The following SLC37A3 variants were observed in gnomAD, a reference collection of about 807,000 sequenced individuals.
SLC37A3 encodes the protein solute carrier family 37 member 3.
SLC37A3 carries 51 observed loss-of-function variants against 67.1 expected under a neutral mutation model. The ratio of observed to expected loss-of-function variants is 0.76; its 90% CI spans 0.61 to 0.96. SLC37A3 has a LOEUF of 0.96. Among genes scored for constraint, SLC37A3 ranks in the 40% least tolerant of loss-of-function variants. SLC37A3 has a pLI of 0.00. For synonymous variants in SLC37A3, 214 were observed against 231.4 expected (o/e 0.92, Z 0.68); for missense variants, 508 against 603.0 (o/e 0.84, Z 1.65).
intron 13 of SLC37A3, among the ~76,000 whole-genome samples, chr7:140,338,650 T>G (rs900832254): frequency 5.9e-5 from 9 of 152,162 alleles, no homozygotes; most frequent in African/African-American, 2.2e-4. Flanking sequence ...TTTTCTATTT[T>G]TAGTAGAAAT....
At chr7:140,394,900 C>T (rs987131131) in intron 1 of SLC37A3, among the ~76,000 whole-genome samples, 2 of 151,478 alleles carry the variant, frequency 1.3e-5, no homozygotes, top group Admixed American at 1.3e-4. Flanking sequence ...AGCTACTGTG[C>T]CCAGCCCTCA....
At chr7:140,366,397 C>T (rs1318853641) in intron 4 of SLC37A3, among the ~76,000 whole-genome samples, 1 of 152,094 alleles carries the variant, frequency 6.6e-6, no homozygotes, top group African/African-American at 2.4e-5. Context: ...GCGTGAGCCA[C>T]CGTGCCCCAC....
chr7:140,366,155 A>G (rs1468190095), intron 4 of SLC37A3, among the ~76,000 whole-genome samples: 1 of 151,862 alleles, frequency 6.6e-6, no homozygotes, highest in Admixed American at 6.6e-5. Flanking sequence ...ATTGGCCTCA[A>G]GCAATTCTCC....
chr7:140,370,149 G>GTTTT lies in SLC37A3; in HGVS notation c.199-471_199-468dup, dbSNP rs34474661. Among the ~76,000 whole-genome samples the GTTTT allele has an allele frequency of 8.4e-3, 1,258 of 149,142 alleles. 4 individuals carry two copies. The highest frequency in any genetic ancestry group is 0.012 in the East Asian group (60 of 5,112). Reference sequence around the variant, plus strand: ...AGAAAAGAAAAGAAAGAAATAACTAGTTTTTTTTTTTGCTTTTATTATTTT... The same window carrying GTTTT: ...AGAAAAGAAAAGAAAGAAATAACTAGTTTTTTTTTTTTTTTGCTTTTATTATTTT... On this transcript the variant is annotated intron_variant, in intron 3 of 14. Transcript: ENST00000326232.
chr7:140,373,099 A>T (rs1348925470), intron 3 of SLC37A3, among the ~76,000 whole-genome samples: 1 of 151,984 alleles, frequency 6.6e-6, no homozygotes, highest in African/African-American at 2.4e-5. Context: ...CTACAGGCAC[A>T]TGCCACCATG....
chr7:140,360,257 G>T (rs1355804838), intron 5 of SLC37A3, among the ~76,000 whole-genome samples: 1 of 151,866 alleles, frequency 6.6e-6, no homozygotes, highest in East Asian at 1.9e-4. Flanking sequence ...AAAATGGGAG[G>T]ATTGCTCGAG....
At position 140,391,570 on chromosome 7, in the gene SLC37A3, T is replaced by C. The variant is rs1798726910; in HGVS notation, c.-71+6846A>G. On this transcript the variant is annotated intron_variant, in intron 1 of 14. Coordinates refer to ENST00000326232, the MANE Select transcript of SLC37A3 (RefSeq NM_207113.3). ...GACTCCATTTCAAAAAATTAAACAATAAGATAAAACACAACTCTTCATTTC... is the reference window on the plus strand; with the variant it reads ...GACTCCATTTCAAAAAATTAAACAACAAGATAAAACACAACTCTTCATTTC... Among the ~76,000 whole-genome samples the C allele has an allele frequency of 2.6e-5, 4 of 152,076 alleles. No individual in the cohort carries two copies. The South Asian group carries it at 8.3e-4, about 32-fold the overall frequency.
At chr7:140,386,237 T>G (rs1798444772) in intron 1 of SLC37A3, among the ~76,000 whole-genome samples, 1 of 152,040 alleles carries the variant, frequency 6.6e-6, no homozygotes, top group Non-Finnish European at 1.5e-5. Context: ...ATCCAGCTTA[T>G]TTTTTGTATT....
chr7:140,345,829 A>C, intron 11 of SLC37A3, 40 bp downstream of exon 11: 1 of 1,468,804 alleles, frequency 6.8e-7, no homozygotes, highest in Non-Finnish European at 9.5e-7. Flanking sequence ...CAACCAGATT[A>C]GGGGAGCAAA....
chr7:140,391,190 C>CATGG (rs35750986), intron 1 of SLC37A3, among the ~76,000 whole-genome samples: 102,458 of 151,548 alleles, frequency 0.68, 34,828 homozygotes, highest in South Asian at 0.8. Flanking sequence ...GTCAACAATT[C>CATGG]CCAGATTCAT....
intron 1 of SLC37A3, among the ~76,000 whole-genome samples, chr7:140,384,598 G>A (rs912058725): frequency 1.1e-4 from 16 of 151,798 alleles, no homozygotes; most frequent in Admixed American, 1.1e-3. Context: ...TCATGTCTAT[G>A]GTCCCAGCTA....
intron 3 of SLC37A3, chr7:140,370,591 T>A (rs1797782186): frequency 1.4e-5 from 2 of 145,062 alleles, no homozygotes; most frequent in African/African-American, 5.1e-5. Context: ...TTTCCTCCAG[T>A]CAGTGGTTGC....
At chr7:140,362,679 G>T (rs1264149841) in intron 5 of SLC37A3, among the ~76,000 whole-genome samples, 2 of 78,372 alleles carry the variant, frequency 2.6e-5, no homozygotes, top group African/African-American at 4.6e-5. Flanking sequence ...GAGGTGGGGG[G>T]GGGGGTCAGC....
chr7:140,366,481 T>TAA lies in SLC37A3; in HGVS notation c.292-1992_292-1991dup, dbSNP rs36052451. On this transcript the variant is annotated intron_variant, in intron 4 of 14. Coordinates refer to ENST00000326232, the MANE Select transcript of SLC37A3 (RefSeq NM_207113.3). Reference sequence around the variant, plus strand: ...TTACAGAAGGAAGTGCAGCTCAAGATAAAAAAAAAACCATGACCATTGATT... The same window carrying TAA: ...TTACAGAAGGAAGTGCAGCTCAAGATAAAAAAAAAAAACCATGACCATTGATT... Among the ~76,000 whole-genome samples the TAA allele has an allele frequency of 3.4e-3, 499 of 148,698 alleles. 1 individual carries two copies. Among genetic ancestry groups the TAA allele is most frequent in the African/African-American group, 0.011 (448 of 40,612 alleles).
chr7:140,345,134 A>G, intron 12 of SLC37A3, 82 bp downstream of exon 12: 1 of 1,311,258 alleles, frequency 7.6e-7, no homozygotes, highest in South Asian at 1.2e-5. Context: ...GTACTACTCA[A>G]ATTGAGGGAG....
intron 3 of SLC37A3, among the ~76,000 whole-genome samples, chr7:140,372,456 G>A (rs1797858859): frequency 6.6e-6 from 1 of 152,216 alleles, no homozygotes; most frequent in African/African-American, 2.4e-5. Context: ...GAGCAGTGGA[G>A]AGAAACTGCT....
chr7:140,377,961 C>T (rs993927695), intron 3 of SLC37A3, among the ~76,000 whole-genome samples: 5 of 152,182 alleles, frequency 3.3e-5, no homozygotes, highest in Non-Finnish European at 7.3e-5. Context: ...GGCCTCTTCC[C>T]TTTGCTGAGT....
chr7:140,372,197 T>G (rs1215312672), intron 3 of SLC37A3, among the ~76,000 whole-genome samples: 4 of 152,154 alleles, frequency 2.6e-5, no homozygotes, highest in Non-Finnish European at 5.9e-5. Context: ...CACAGTGTAG[T>G]GAATTTCCCC....
intron 12 of SLC37A3, chr7:140,344,123 A>C (rs1004013760): frequency 6.4e-6 from 1 of 155,870 alleles, no homozygotes. Flanking sequence ...CATGATCTAA[A>C]GTTTAAAATA....
Sources: allele counts gnomAD v4.1 joint callset (sites outside exome capture counted in the v4.1 genomes callset), GRCh38; gene constraint gnomAD v4.1.1; transcripts MANE v1.5; gene names NCBI Gene and HGNC (gene_info 2026-07-23, HGNC 2026-07-21).